ROBO2: variants seen among roughly 807,000 people sequenced by gnomAD.
ROBO2 encodes roundabout homolog 2.
In ROBO2, 53 loss-of-function variants were observed where a neutral mutation model predicts 160.8. The observed-to-expected ratio is 0.33, with a 90% CI of 0.26 to 0.41. The LOEUF is 0.41. Ranked by LOEUF, ROBO2 falls within the 10% of genes least tolerant of loss-of-function variation. ROBO2 has a pLI of 1.00. For synonymous variants in ROBO2, 664 were observed against 611.7 expected, an observed-to-expected ratio of 1.09 and a Z score of -1.26; for missense variants, 1,577 against 1,722.4, an observed-to-expected ratio of 0.92 and a Z score of 1.49.
At chr3:76,825,151 G>A (rs986610064) in intron 2 of ROBO2, among the ~76,000 whole-genome samples, 2 of 152,126 alleles carry the variant, frequency 1.3e-5, no homozygotes, top group South Asian at 2.1e-4. Flanking sequence ...ACTGACCCCC[G>A]CCATACCCTC....
intron 1 of ROBO2, among the ~76,000 whole-genome samples, chr3:77,094,681 C>G (rs1383002007): frequency 6.6e-6 from 1 of 152,048 alleles, no homozygotes; most frequent in Non-Finnish European, 1.5e-5. Context: ...TTTTCCAAAC[C>G]CTTGACAATA....
intron 2 of ROBO2, among the ~76,000 whole-genome samples, chr3:77,218,715 T>G (rs1443714843): frequency 6.6e-6 from 1 of 152,178 alleles, no homozygotes; most frequent in Non-Finnish European, 1.5e-5. Flanking sequence ...TAGGTTATCA[T>G]GTCACCCTCT....
chr3:76,033,114 TG>T lies in ROBO2; in HGVS notation c.109+95516del, dbSNP rs1206814916. On this transcript the variant is annotated intron_variant, in intron 2 of 26. Transcript: ENST00000487694. ...TGGATATAACAGCAAAAAAAAAAAA[TG>T]GGGAGAAATGTTATTGTTGTTTTTT... Among the ~76,000 whole-genome samples, 22 of 140,490 alleles carry T rather than the reference TG, an allele frequency of 1.6e-4. No homozygotes were observed. In the East Asian group the frequency reaches 4.4e-3, roughly 28 times the overall value. 92.2% of individuals were successfully genotyped at this position (140,490 alleles called of 152,430 possible). A position where few individuals can be genotyped will look rare whatever the true frequency, so the allele number is the denominator to read the frequency against.
intron 5 of ROBO2, among the ~76,000 whole-genome samples, chr3:77,512,955 C>A (rs369268081): frequency 2.0e-4 from 30 of 151,928 alleles, no homozygotes; most frequent in African/African-American, 7.2e-4. Context: ...AACACTTGTT[C>A]TAGAATTGGA....
At chr3:77,248,537 C>T (rs2089991087) in intron 2 of ROBO2, among the ~76,000 whole-genome samples, 1 of 152,178 alleles carries the variant, frequency 6.6e-6, no homozygotes. Flanking sequence ...GAGCACCCCC[C>T]TGGAGGCTGT....
chr3:76,914,486 C>T (rs917054772), intron 2 of ROBO2, among the ~76,000 whole-genome samples: 1 of 151,814 alleles, frequency 6.6e-6, no homozygotes, highest in African/African-American at 2.4e-5. Flanking sequence ...TGAATAACTG[C>T]TACCTATATC....
chr3:77,504,096 C>T (rs1213733930), intron 5 of ROBO2, among the ~76,000 whole-genome samples: 1 of 152,140 alleles, frequency 6.6e-6, no homozygotes, highest in Non-Finnish European at 1.5e-5. Context: ...AGCCCTAGGG[C>T]TCAGTGAGTC....
chr3:76,043,631 A>G (rs1339603585), intron 2 of ROBO2, among the ~76,000 whole-genome samples: 8 of 149,460 alleles, frequency 5.4e-5, no homozygotes, highest in Non-Finnish European at 1.2e-4. Context: ...AAAAAAAAAA[A>G]AAAAAAAAAA....
chr3:77,432,432 C>A (rs1387908207), intron 2 of ROBO2, among the ~76,000 whole-genome samples: 1 of 152,060 alleles, frequency 6.6e-6, no homozygotes, highest in Non-Finnish European at 1.5e-5. Context: ...TTTTAGTTAC[C>A]TCCACACCAG....
chr3:76,114,262 C>A (rs1010681914), intron 2 of ROBO2, among the ~76,000 whole-genome samples: 1 of 152,102 alleles, frequency 6.6e-6, no homozygotes, highest in African/African-American at 2.4e-5. Flanking sequence ...ATCTTGGAGC[C>A]CAAGTACTCT....
chr3:76,994,624 A>G (rs2060882876), intron 2 of ROBO2, among the ~76,000 whole-genome samples: 1 of 152,174 alleles, frequency 6.6e-6, no homozygotes, highest in Admixed American at 6.5e-5. Context: ...TCTTTACTGA[A>G]GGCATATTAT....
At chr3:76,331,837 C>T (rs1035422585) in intron 2 of ROBO2, among the ~76,000 whole-genome samples, 1 of 151,966 alleles carries the variant, frequency 6.6e-6, no homozygotes, top group African/African-American at 2.4e-5. Flanking sequence ...GCGCCCACCA[C>T]TACGCCTGGC....
At chr3:77,458,871 A>G (rs529011070) in intron 2 of ROBO2, among the ~76,000 whole-genome samples, 2 of 152,298 alleles carry the variant, frequency 1.3e-5, no homozygotes, top group African/African-American at 4.8e-5. Flanking sequence ...TATAAGATCT[A>G]GAATAAAAAA....
At chr3:76,552,268 A>G (rs372020669) in intron 2 of ROBO2, among the ~76,000 whole-genome samples, 34 of 152,288 alleles carry the variant, frequency 2.2e-4, no homozygotes, top group African/African-American at 7.9e-4. Flanking sequence ...GAATTTTAGT[A>G]TCTGTCGGGG....
intron 2 of ROBO2, among the ~76,000 whole-genome samples, chr3:76,124,568 G>A (rs1299598130): frequency 6.6e-6 from 1 of 151,868 alleles, no homozygotes; most frequent in Non-Finnish European, 1.5e-5. Context: ...GTTTTTTCTC[G>A]ACATCATTTT....
rs1160811282 is a variant in ROBO2 at position 76,599,633 on chromosome 3, C to T, written c.110-498381C>T. 2.0e-5 allele frequency among the ~76,000 whole-genome samples: 3 copies of T among 152,304 alleles called. No homozygotes were observed. The East Asian group carries it at 5.8e-4, about 29-fold the overall frequency. ...TTTTGAGGAATCACCACACTGTCTTCCACAATGGTTGAACTAATTTACACT... is the reference window on the plus strand; with the variant it reads ...TTTTGAGGAATCACCACACTGTCTTTCACAATGGTTGAACTAATTTACACT... On this transcript the variant is annotated intron_variant, in intron 2 of 26. Coordinates refer to the ROBO2 transcript ENST00000487694.
intron 2 of ROBO2, among the ~76,000 whole-genome samples, chr3:76,039,553 C>T (rs187949280): frequency 3.3e-4 from 50 of 152,058 alleles, no homozygotes; most frequent in Non-Finnish European, 5.4e-4. Context: ...AATTACCTTG[C>T]ATTTGAAAAG....
chr3:77,296,684 C>G lies in ROBO2; in HGVS notation c.389-180730C>G, dbSNP rs114425653. 4.9e-3 allele frequency among the ~76,000 whole-genome samples: 752 copies of G among 152,076 alleles called. 5 individuals are homozygous for G. The highest frequency in any genetic ancestry group is 0.017 in the African/African-American group (721 of 41,470). On this transcript the variant is annotated intron_variant, in intron 2 of 25. Coordinates refer to ENST00000461745, the Ensembl canonical transcript of ROBO2. ...AACAATTGCTCAGAATATTCTAGGCCGATGGAAAAGGCCTTGTGGTAAGAT... is the reference window on the plus strand; with the variant it reads ...AACAATTGCTCAGAATATTCTAGGCGGATGGAAAAGGCCTTGTGGTAAGAT...
chr3:76,461,371 G>A lies in ROBO2; in HGVS notation c.109+523769G>A, dbSNP rs375020076. Among the ~76,000 whole-genome samples, 30 of 152,234 alleles carry A rather than the reference G, an allele frequency of 2.0e-4. No individual in the cohort carries two copies. The South Asian group carries it at 2.1e-3, about 11-fold the overall frequency. ...CAGCACTGGGGTTACAATTCAACACGAGATTTGGGCAGGGACAAATATCTA... is the reference window on the plus strand; with the variant it reads ...CAGCACTGGGGTTACAATTCAACACAAGATTTGGGCAGGGACAAATATCTA... On this transcript the variant is annotated intron_variant, in intron 2 of 26. Coordinates refer to the ROBO2 transcript ENST00000487694.
Sources: allele counts gnomAD v4.1 joint callset (sites outside exome capture counted in the v4.1 genomes callset), GRCh38; gene constraint gnomAD v4.1.1; transcripts MANE v1.5; gene names NCBI Gene and HGNC (gene_info 2026-07-23, HGNC 2026-07-21).